Variants in NCOA7 observed in about 807,000 individuals in gnomAD.
The protein encoded by NCOA7 is nuclear receptor coactivator 7, also known as 140 kDa estrogen receptor-associated protein.
NCOA7 carries 45 observed loss-of-function variants against 104.3 expected under a neutral mutation model. The observed-to-expected ratio is 0.43, with a 90% CI of 0.34 to 0.55. NCOA7 has a LOEUF of 0.55. Among genes scored for constraint, NCOA7 ranks in the 20% least tolerant of loss-of-function variants. NCOA7 has a pLI of 0.02. For synonymous variants in NCOA7, 398 were observed against 402.3 expected, an observed-to-expected ratio of 0.99 and a Z score of 0.13; for missense variants, 1,041 against 1,119.7, an observed-to-expected ratio of 0.93 and a Z score of 1.00.
upstream of NCOA7, among the ~76,000 whole-genome samples, chr6:125,790,223 G>A (rs922562485): frequency 9.2e-5 from 14 of 152,248 alleles, no homozygotes. Context: ...AATTTATTGT[G>A]GCCATCGGTC....
chr6:125,926,245 A>G (rs1253963861), intron 13 of NCOA7, among the ~76,000 whole-genome samples: 1 of 145,960 alleles, frequency 6.9e-6, no homozygotes, highest in African/African-American at 2.5e-5. Flanking sequence ...TAGGAGGTGG[A>G]GGTTGCAGAG....
At chr6:125,891,326 A>G (rs532494760) in intron 10 of NCOA7, among the ~76,000 whole-genome samples, 2 of 152,212 alleles carry the variant, frequency 1.3e-5, no homozygotes, top group African/African-American at 2.4e-5. Flanking sequence ...TATATTTTCA[A>G]TTCACCAAAG....
Position 125,833,223 on chromosome 6 carries a change from CA to C in NCOA7, c.50+17820del, listed in dbSNP as rs570845623. 1.6e-3 allele frequency among the ~76,000 whole-genome samples: 236 copies of C among 152,148 alleles called. 1 individual carries two copies. Among genetic ancestry groups the C allele is most frequent in the African/African-American group, 5.2e-3 (217 of 41,504 alleles). On this transcript the variant is annotated intron_variant, in intron 2 of 15. Coordinates refer to ENST00000392477, the MANE Select transcript of NCOA7 (RefSeq NM_181782.5). ...ATTAAGAAAAAAGTGGAAACCAGGACAGATAAATTTGCTTATTATGAAGATC... is the reference window on the plus strand; with the variant it reads ...ATTAAGAAAAAAGTGGAAACCAGGACGATAAATTTGCTTATTATGAAGATC...
intron 10 of NCOA7, among the ~76,000 whole-genome samples, chr6:125,906,236 A>G (rs761810454): frequency 2.0e-5 from 3 of 152,186 alleles, no homozygotes; most frequent in African/African-American, 4.8e-5. Flanking sequence ...ACTCCTTTTG[A>G]AGAAAAAGAG....
chr6:125,803,941 C>T (rs1300496769), intron 1 of NCOA7, among the ~76,000 whole-genome samples: 5 of 150,236 alleles, frequency 3.3e-5, no homozygotes, highest in South Asian at 2.1e-4. Flanking sequence ...AACTACTGCT[C>T]ACATTTTTTT....
rs1239455225 is a variant in NCOA7, at chr6:125,915,426, A to G, written c.2190A>G (p.Glu730=). Reference sequence around the variant, plus strand: ...AAGGCTTTGTGGTGGTGGAGAAGGAAGAACTGAACATGATTGACAACTTCT... The same window carrying G: ...AAGGCTTTGTGGTGGTGGAGAAGGAGGAACTGAACATGATTGACAACTTCT... ...KEQGFVVVEK[E]ELNMIDNFFS... The change falls in exon 11 of 16, where the codon GAA becomes GAG. Residue 730 remains glutamate, a synonymous_variant. Transcript: ENST00000392477. 1 of 1,613,950 alleles carries G rather than the reference A, an allele frequency of 6.2e-7. No individual in the cohort carries two copies. Among genetic ancestry groups the G allele is most frequent in the Non-Finnish European group, 8.5e-7 (1 of 1,179,858 alleles).
chr6:125,852,698 G>T (rs1319716688), intron 2 of NCOA7, among the ~76,000 whole-genome samples: 1 of 152,150 alleles, frequency 6.6e-6, no homozygotes, highest in Non-Finnish European at 1.5e-5. Flanking sequence ...TGTATGCTCT[G>T]TCGAAGATCA....
At chr6:125,878,198 T>C in intron 4 of NCOA7, 65 bp from the exon 5 acceptor site, 1 of 917,776 alleles carries the variant, frequency 1.1e-6, no homozygotes, top group Non-Finnish European at 1.6e-6. Flanking sequence ...GATAAATTAA[T>C]AGTATCTATC....
At chr6:125,917,505 C>T (rs1026764144) in intron 11 of NCOA7, among the ~76,000 whole-genome samples, 6 of 152,266 alleles carry the variant, frequency 3.9e-5, no homozygotes, top group Non-Finnish European at 5.9e-5. Flanking sequence ...ATCTCAGAAC[C>T]CCCCAGGTCA....
At chr6:125,899,380 C>A (rs1384103381) in intron 10 of NCOA7, among the ~76,000 whole-genome samples, 1 of 152,170 alleles carries the variant, frequency 6.6e-6, no homozygotes, top group African/African-American at 2.4e-5. Flanking sequence ...ATCTTTAATG[C>A]CTCCTGGTGC....
intron 2 of NCOA7, among the ~76,000 whole-genome samples, chr6:125,853,967 C>T (rs1562912234): frequency 6.6e-6 from 1 of 152,262 alleles, no homozygotes; most frequent in Non-Finnish European, 1.5e-5. Context: ...AAATTTCAGT[C>T]CCTGTGTATC....
intron 2 of NCOA7, among the ~76,000 whole-genome samples, chr6:125,845,780 G>A (rs867027505): frequency 2.0e-4 from 30 of 152,128 alleles, no homozygotes; most frequent in African/African-American, 7.2e-4. Flanking sequence ...AAACAAAAAA[G>A]TGCAAGTTCT....
intron 3 of NCOA7, among the ~76,000 whole-genome samples, chr6:125,861,216 G>A (rs13201275): frequency 3.8e-3 from 585 of 152,292 alleles, no homozygotes; most frequent in Non-Finnish European, 6.3e-3. Context: ...CAATGTGGAA[G>A]TAACAGACTA....
intron 2 of NCOA7, among the ~76,000 whole-genome samples, chr6:125,818,300 G>A (rs1777792875): frequency 6.6e-6 from 1 of 152,120 alleles, no homozygotes; most frequent in Non-Finnish European, 1.5e-5. Context: ...CCCTGAAACT[G>A]AGAATACAAA....
chr6:125,794,889 G>C lies in NCOA7; in HGVS notation c.-65+3822G>C, dbSNP rs530711219. Among the ~76,000 whole-genome samples the C allele has an allele frequency of 3.9e-5, 6 of 152,272 alleles. No individual in the cohort carries two copies. The South Asian group carries it at 1.2e-3, about 32-fold the overall frequency. ...TAGAATAAAGTCATTTTTAGCTGAA[G>C]GGCTAGCCTAACTTAGCATAACACT... On this transcript the variant is annotated intron_variant, in intron 1 of 15. Transcript: ENST00000392477.
intron 10 of NCOA7, among the ~76,000 whole-genome samples, chr6:125,898,119 CTTCTTT>C (rs1045600218): frequency 4.1e-4 from 62 of 152,148 alleles, no homozygotes; most frequent in African/African-American, 1.5e-3. Context: ...CTCTTTCTAT[CTTCTTT>C]TTCTTTTTCT....
chr6:125,851,997 C>T (rs192474819), intron 2 of NCOA7, among the ~76,000 whole-genome samples: 2 of 151,638 alleles, frequency 1.3e-5, no homozygotes, highest in Admixed American at 1.3e-4. Flanking sequence ...AGATATTAGT[C>T]CTTTGTCAGA....
chr6:125,905,107 C>G (rs1197754992), intron 10 of NCOA7, among the ~76,000 whole-genome samples: 1 of 152,150 alleles, frequency 6.6e-6, no homozygotes, highest in Non-Finnish European at 1.5e-5. Context: ...TCATCCAGAC[C>G]ACAGCGTGAG....
At chr6:125,863,215 C>T (rs1782192845) in intron 3 of NCOA7, among the ~76,000 whole-genome samples, 1 of 137,758 alleles carries the variant, frequency 7.3e-6, no homozygotes. Flanking sequence ...CCTGTGATTG[C>T]ACCAGCTTTG....
Sources: gnomAD v4.1 joint callset for allele counts (sites outside exome capture counted in the v4.1 genomes callset) on GRCh38, gnomAD v4.1.1 for gene constraint, MANE v1.5 for transcripts, NCBI Gene and HGNC (gene_info 2026-07-23, HGNC 2026-07-21) for gene names.